Variants in HIP1 observed in about 807,000 individuals in gnomAD.
HIP1 encodes the protein huntingtin-interacting protein 1.
In HIP1, 65 loss-of-function variants were observed where a neutral mutation model predicts 147.6. The ratio of observed to expected loss-of-function variants is 0.44; its 90% CI spans 0.36 to 0.54. HIP1 has a LOEUF of 0.54. HIP1 is among the 20% of genes least tolerant of loss of function. The pLI is 0.00. For missense variants in HIP1, 1,061 were observed against 1,299.6 expected (o/e 0.82, Z 2.82); for synonymous variants, 479 against 504.0 (o/e 0.95, Z 0.67).
chr7:75,597,813 T>G (rs1554502240), intron 2 of HIP1, among the ~76,000 whole-genome samples: 1 of 149,330 alleles, frequency 6.7e-6, no homozygotes, highest in Non-Finnish European at 1.5e-5. Flanking sequence ...ACACAGAGAG[T>G]TAAAAGCTTA....
At position 75,706,639 on chromosome 7, in the gene HIP1, TTTTTTA is replaced by T. The variant is rs1554519780; in HGVS notation, c.120+32156_120+32161del. On this transcript the variant is annotated intron_variant, in intron 1 of 30. Coordinates refer to ENST00000336926, the MANE Select transcript of HIP1 (RefSeq NM_005338.7). ...CAACTCGTCATTTTTTTTTTTTTTT[TTTTTTA>T]TTATACTCTAAGTTTTAGGGTACAT... is the stretch of plus-strand genomic sequence containing the variant. 2.1e-5 allele frequency among the ~76,000 whole-genome samples: 3 copies of T among 140,154 alleles called. No individual in the cohort carries two copies. The South Asian group carries it at 6.7e-4, about 31-fold the overall frequency. 91.9% of individuals were successfully genotyped at this position (140,154 alleles called of 152,430 possible). A position where few individuals can be genotyped will look rare whatever the true frequency, so the allele number is the denominator to read the frequency against.
intron 1 of HIP1, among the ~76,000 whole-genome samples, chr7:75,623,447 G>A (rs1797927063): frequency 6.6e-6 from 1 of 152,182 alleles, no homozygotes; most frequent in South Asian, 2.1e-4. Flanking sequence ...GGATGGGAAT[G>A]GGGCCTGGTG....
At chr7:75,538,570 CTTTTTTTT>C (rs67030357) in intron 30 of HIP1, among the ~76,000 whole-genome samples, 3 of 112,938 alleles carry the variant, frequency 2.7e-5, no homozygotes, top group African/African-American at 1.0e-4. Context: ...CTGATCCCTT[CTTTTTTTT>C]TTTTTTTTTT....
chr7:75,597,214 A>G (rs1452747448), intron 2 of HIP1, among the ~76,000 whole-genome samples: 2 of 152,198 alleles, frequency 1.3e-5, no homozygotes, highest in Non-Finnish European at 2.9e-5. Context: ...CAGCCAAAGC[A>G]TCTTCCCACT....
Position 75,723,326 on chromosome 7 carries a change from C to T in HIP1, c.120+15475G>A, listed in dbSNP as rs547552001. ...GGCGGAGGTTGCAGTGAGCCGAGAT[C>T]GCGCCATTGCACTCCACCCTGGGCG... On this transcript the variant is annotated intron_variant, in intron 1 of 30. Coordinates refer to ENST00000336926, the MANE Select transcript of HIP1 (RefSeq NM_005338.7). 6.6e-5 allele frequency among the ~76,000 whole-genome samples: 10 copies of T among 152,128 alleles called. No individual in the cohort carries two copies. The East Asian group carries it at 9.7e-4, about 15-fold the overall frequency.
intron 1 of HIP1, 21 bp from the exon 2 acceptor site, chr7:75,599,268 AG>A: frequency 6.3e-7 from 1 of 1,582,472 alleles, no homozygotes; most frequent in Non-Finnish European, 8.7e-7. Context: ...AGAAGGGGGG[AG>A]GGAAAGGAGG....
Position 75,568,013 on chromosome 7 carries a change from G to T in HIP1, c.803+186C>A, listed in dbSNP as rs1554495898. ...TTTTTTTCTGTAGAGATGGGGTCTCGCTATGTTGCCCAGCCTGGTGTCAAA... is the reference window on the plus strand; with the variant it reads ...TTTTTTTCTGTAGAGATGGGGTCTCTCTATGTTGCCCAGCCTGGTGTCAAA... On this transcript the variant is annotated intron_variant, in intron 9 of 30. Coordinates refer to ENST00000336926, the MANE Select transcript of HIP1 (RefSeq NM_005338.7). The surrounding 1 kb of genome is among the most constrained non-coding windows in gnomAD (Gnocchi z 4.1). Among the ~76,000 whole-genome samples, 1 of 151,914 alleles carries T rather than the reference G, an allele frequency of 6.6e-6. No homozygotes were observed. Among genetic ancestry groups the T allele is most frequent in the East Asian group, 1.9e-4 (1 of 5,168 alleles).
At chr7:75,583,756 TTGTGTGTGTGTGTGTGTGTGTGTG>T (rs60640180) in intron 5 of HIP1, among the ~76,000 whole-genome samples, 4 of 115,406 alleles carry the variant, frequency 3.5e-5, no homozygotes, top group African/African-American at 1.0e-4. Flanking sequence ...GCGGGCTAAT[TTGTGTGTGTGTGTGTGTGTGTGTG>T]TGTGTGTGTG....
chr7:75,686,843 C>CTTTTTTTTTTTTTTTTTTTTTTTTTTGTT (rs55942242), intron 1 of HIP1, among the ~76,000 whole-genome samples: 1 of 80,140 alleles, frequency 1.2e-5, no homozygotes, highest in Non-Finnish European at 2.3e-5. Flanking sequence ...TATTTTAGTT[C>CTTTTTTTTTTTTTTTTTTTTTTTTTTGTT]TTTTTTTTTT....
chr7:75,596,235 C>CAAAAAA (rs10658504), intron 2 of HIP1, among the ~76,000 whole-genome samples: 10 of 59,566 alleles, frequency 1.7e-4, no homozygotes, highest in Admixed American at 4.2e-4. Context: ...GACCCTGCCT[C>CAAAAAA]AAAAAAAAAA....
intron 1 of HIP1, among the ~76,000 whole-genome samples, chr7:75,627,256 T>A (rs1366512638): frequency 2.0e-5 from 3 of 152,200 alleles, no homozygotes; most frequent in Non-Finnish European, 4.4e-5. Context: ...TCTATAAACC[T>A]TTTCCAAATA....
rs111683568 is a variant in HIP1 at position 75,734,776 on chromosome 7, A to G, written c.120+4025T>C. On this transcript the variant is annotated intron_variant, in intron 1 of 30. Coordinates refer to ENST00000336926, the MANE Select transcript of HIP1 (RefSeq NM_005338.7). ...TGGGAAGTTTATCTGCCTAGTCTAG[A>G]TGTCTCTTTATTTATGTTCTTCTGT... Among the ~76,000 whole-genome samples, 1,367 of 152,200 alleles carry G rather than the reference A, an allele frequency of 9.0e-3. 16 individuals are homozygous for G. The highest frequency in any genetic ancestry group is 0.015 in the Non-Finnish European group (989 of 68,012).
chr7:75,553,325 AT>A, intron 22 of HIP1, 127 bp downstream of exon 22: 10 of 1,234,372 alleles, frequency 8.1e-6, no homozygotes, highest in Non-Finnish European at 1.1e-5. Flanking sequence ...AATTTTAACA[AT>A]CTCTTTCTAG....
chr7:75,674,500 T>TTTTTTTTTTG lies in HIP1; in HGVS notation c.120+64300_120+64301insCAAAAAAAAA, dbSNP rs1554515727. Among the ~76,000 whole-genome samples, 60 of 114,350 alleles carry TTTTTTTTTTG rather than the reference T, an allele frequency of 5.2e-4. 1 individual carries two copies. Among genetic ancestry groups the TTTTTTTTTTG allele is most frequent in the South Asian group, 3.3e-3 (12 of 3,684 alleles). 75.0% of individuals were successfully genotyped at this position (114,350 alleles called of 152,430 possible). On this transcript the variant is annotated intron_variant, in intron 1 of 30. Coordinates refer to ENST00000336926, the MANE Select transcript of HIP1 (RefSeq NM_005338.7). ...GGCTTCTAAACTCTGCGGCTTTTTGTTTTTTTTTTTGAGACAGAGTCTCAC... is the reference window on the plus strand; with the variant it reads ...GGCTTCTAAACTCTGCGGCTTTTTGTTTTTTTTTTGTTTTTTTTTTGAGACAGAGTCTCAC...
intron 1 of HIP1, among the ~76,000 whole-genome samples, chr7:75,673,426 T>G (rs1554515592): frequency 6.6e-6 from 1 of 152,144 alleles, no homozygotes; most frequent in African/African-American, 2.4e-5. Flanking sequence ...CATTTGAAAT[T>G]TTGATAGGGA....
chr7:75,638,905 G>A (rs1554510057), intron 1 of HIP1: 1 of 215,406 alleles, frequency 4.6e-6, no homozygotes, highest in African/African-American at 2.3e-5. Context: ...TCCCTCCTCC[G>A]GCACGCCTGG....
intron 1 of HIP1, chr7:75,733,331 A>G (rs968692224): frequency 1.2e-4 from 19 of 152,642 alleles, no homozygotes; most frequent in African/African-American, 4.6e-4. Context: ...GTGTGGTCCC[A>G]ATGATGGCTA....
chr7:75,557,435 C>A (rs182087165), intron 16 of HIP1, among the ~76,000 whole-genome samples: 1 of 152,286 alleles, frequency 6.6e-6, no homozygotes, highest in Non-Finnish European at 1.5e-5. Context: ...CCTTGGAAAG[C>A]CTTTGTTGAT....
intron 1 of HIP1, among the ~76,000 whole-genome samples, chr7:75,687,761 T>C (rs1800314584): frequency 6.6e-6 from 1 of 151,972 alleles, no homozygotes; most frequent in Non-Finnish European, 1.5e-5. Flanking sequence ...ACCTTTAAAG[T>C]CTCTTATGAC....
Sources: allele counts gnomAD v4.1 joint callset (sites outside exome capture counted in the v4.1 genomes callset), GRCh38; gene constraint gnomAD v4.1.1; non-coding constraint Gnocchi (gnomAD v3.1); transcripts MANE v1.5; gene names NCBI Gene and HGNC (gene_info 2026-07-23, HGNC 2026-07-21).